The following NLRP1 variants were observed in gnomAD, a reference collection of about 807,000 sequenced individuals.
NLRP1 encodes the protein NLR family pyrin domain containing 1.
NLRP1 carries 94 observed loss-of-function variants against 136.7 expected under a neutral mutation model. The observed-to-expected ratio is 0.69, with a 90% CI of 0.58 to 0.82. The LOEUF (loss-of-function observed/expected upper bound fraction) is 0.82. Among genes scored for constraint, NLRP1 ranks in the 40% least tolerant of loss-of-function variants. The pLI, the probability that NLRP1 is intolerant of heterozygous loss-of-function variation, is 0.00. For missense variants in NLRP1, 1,575 were observed against 1,802.7 expected, an observed-to-expected ratio of 0.87 and a Z score of 2.29; for synonymous variants, 690 against 725.1, an observed-to-expected ratio of 0.95 and a Z score of 0.78.
In NLRP1 at chr17:5,582,800, C is replaced by T. The variant is rs984054383; in HGVS notation, c.318G>A (p.Gly106=). 12 of 1,613,580 alleles carry T rather than the reference C, an allele frequency of 7.4e-6. No individual in the cohort carries two copies. In the Admixed American group the frequency reaches 1.8e-4, roughly 25 times the overall value. Residue 106 remains glycine, a synonymous_variant, in exon 2 of 17, where the codon GGG becomes GGA. Transcript: ENST00000572272. ...CGGTGGAGGTGGGTTGGCTGGGAGACCCCAGGTGGGGTTCACTTGGGCTGT... is the reference window on the plus strand; with the variant it reads ...CGGTGGAGGTGGGTTGGCTGGGAGATCCCAGGTGGGGTTCACTTGGGCTGT... ...FPYSPSEPHL[G]SPSQPTSTAV... is the part of the protein sequence containing the mutation.
intron 3 of NLRP1, among the ~76,000 whole-genome samples, chr17:5,560,266 C>T (rs1914583795): frequency 6.6e-6 from 1 of 152,198 alleles, no homozygotes; most frequent in African/African-American, 2.4e-5. Context: ...CTTTCCTTCA[C>T]TGAATATTTA....
At chr17:5,533,551 G>GTTTTTTTTTTTTTTTTTTTTTTTTTT (rs35006823) in intron 9 of NLRP1, among the ~76,000 whole-genome samples, 167 bp from the exon 10 acceptor site, 2 of 90,018 alleles carry the variant, frequency 2.2e-5, no homozygotes, top group African/African-American at 8.8e-5. Context: ...GTGAGACTCT[G>GTTTTTTTTTTTTTTTTTTTTTTTTTT]TTTTTTTTTT....
chr17:5,527,302 AT>A, intron 12 of NLRP1, among the ~76,000 whole-genome samples: 1 of 152,328 alleles, frequency 6.6e-6, no homozygotes, highest in African/African-American at 2.4e-5. Flanking sequence ...AAGTTTACGA[AT>A]TCACGTTGGG....
At position 5,536,845 on chromosome 17, in the gene NLRP1, C is replaced by T. The variant is rs371795707; in HGVS notation, c.2960+6G>A. 17 of 1,607,252 alleles carry T rather than the reference C, an allele frequency of 1.1e-5. No homozygotes were observed. The highest frequency in any genetic ancestry group is 1.4e-5 in the Non-Finnish European group (17 of 1,173,960). ...CAGCCAGAGGGAGTTCTGGGTCCCCCCTTACCGTCTGCTGAAGATGAGCAG... is the reference window on the plus strand; with the variant it reads ...CAGCCAGAGGGAGTTCTGGGTCCCCTCTTACCGTCTGCTGAAGATGAGCAG... On this transcript the variant is annotated splice_donor_region_variant and intron_variant, in intron 8 of 16. Coordinates refer to ENST00000572272, the MANE Select transcript of NLRP1 (RefSeq NM_033004.4).
intron 14 of NLRP1, among the ~76,000 whole-genome samples, chr17:5,520,576 T>C (rs983686677): frequency 6.6e-6 from 1 of 152,214 alleles, no homozygotes; most frequent in African/African-American, 2.4e-5. Flanking sequence ...AAAGCCAGTA[T>C]GTTCAACTAC....
chr17:5,559,090 G>T lies in NLRP1; in HGVS notation c.1606C>A (p.Arg536=). The change falls in exon 4 of 17, where the codon CGG becomes AGG. Residue 536 remains arginine, a synonymous_variant. Transcript: ENST00000572272. ...ACTCLMQQMK[R]KEKLTLTSKT... ...GAAGTCAGTGTGAGTTTTTCCTTCC[G>T]CTTCATCTGCTGCATCAGGCAAGTG... is the stretch of plus-strand genomic sequence containing the variant. 1 of 1,614,142 alleles carries T rather than the reference G, an allele frequency of 6.2e-7. No individual in the cohort carries two copies. The highest frequency in any genetic ancestry group is 1.1e-5 in the South Asian group (1 of 91,082).
chr17:5,580,963 C>T (rs943290654), intron 3 of NLRP1, among the ~76,000 whole-genome samples: 13 of 152,060 alleles, frequency 8.5e-5, no homozygotes, highest in Non-Finnish European at 1.6e-4. Flanking sequence ...TAGACTCACG[C>T]GGTATATGTG....
At position 5,553,468 on chromosome 17, in the gene NLRP1, T is replaced by G. The variant is rs1188238250; in HGVS notation, c.2446A>C (p.Ser816Arg). The change falls in exon 5 of 17, where the codon AGT (serine) becomes CGT (arginine). Residue 816 changes from serine to arginine, a missense_variant. Transcript: ENST00000572272. ...GCAGAGTGGCTCAGCGAGTTTCCAC[T>G]TAGGTCCAGCTCCTTCAGGTTTCTG... is the stretch of plus-strand genomic sequence containing the variant. The part of the protein sequence containing the change: ...VTRNLKELDL[S>R]GNSLSHSAVK... 2 of 1,614,156 alleles carry G rather than the reference T, an allele frequency of 1.2e-6. No individual in the cohort carries two copies. Among genetic ancestry groups the G allele is most frequent in the Non-Finnish European group, 1.7e-6 (2 of 1,180,010 alleles).
At chr17:5,534,557 CTT>C (rs1263935587) in intron 8 of NLRP1, among the ~76,000 whole-genome samples, 1 of 152,142 alleles carries the variant, frequency 6.6e-6, no homozygotes, top group Non-Finnish European at 1.5e-5. Flanking sequence ...TCAAATAGCT[CTT>C]CTTTCTATTG....
At chr17:5,528,168 C>T (rs570895264) in intron 12 of NLRP1, among the ~76,000 whole-genome samples, 2 of 152,318 alleles carry the variant, frequency 1.3e-5, no homozygotes, top group East Asian at 3.9e-4. Flanking sequence ...CCCACTGACT[C>T]TATTAGCCAG....
At chr17:5,526,962 C>T (rs964866935) in intron 12 of NLRP1, among the ~76,000 whole-genome samples, 1 of 152,150 alleles carries the variant, frequency 6.6e-6, no homozygotes, top group African/African-American at 2.4e-5. Flanking sequence ...CACCAGTGCC[C>T]AAGTCCTAAA....
At position 5,558,694 on chromosome 17, in the gene NLRP1, C is replaced by A. The variant is rs200638674; in HGVS notation, c.2002G>T (p.Ala668Ser). Residue 668 changes from alanine (A) to serine (S), a missense_variant, in exon 4 of 17, where the codon GCA (alanine) becomes TCA (serine). Coordinates refer to ENST00000572272, the MANE Select transcript of NLRP1 (RefSeq NM_033004.4). ...CCCAATAGGAAACGTGTGGTTGATG[C>A]CCCAAACAGGCCATGTATTCCATAT... is the stretch of plus-strand genomic sequence containing the variant. ...EAYGIHGLFG[A>S]STTRFLLGLL... is the part of the protein sequence containing the mutation. The A allele has an allele frequency of 6.8e-6, 11 of 1,614,046 alleles. No homozygotes were observed. The highest frequency in any genetic ancestry group is 9.3e-6 in the Non-Finnish European group (11 of 1,180,028).
intron 12 of NLRP1, among the ~76,000 whole-genome samples, chr17:5,526,772 G>A (rs1597403761): frequency 1.3e-5 from 2 of 152,202 alleles, no homozygotes; most frequent in African/African-American, 4.8e-5. Context: ...AGAGCTCCGC[G>A]CTTTCATTTT....
chr17:5,525,928 C>T (rs918000867), intron 12 of NLRP1, among the ~76,000 whole-genome samples: 2 of 152,110 alleles, frequency 1.3e-5, no homozygotes, highest in Non-Finnish European at 2.9e-5. Context: ...TCAAACAACT[C>T]GGCCCAGTCC....
chr17:5,582,744 G>A lies in NLRP1; in HGVS notation c.374C>T (p.Pro125Leu), dbSNP rs375872650. 1.7e-5 allele frequency: 27 copies of A among 1,614,012 alleles called. No individual in the cohort carries two copies. The highest frequency in any genetic ancestry group is 6.7e-5 in the African/African-American group (5 of 74,904). Reference protein sequence around the residue: ...AVLMPWIHELPAGCTQGSERR... With the variant: ...AVLMPWIHELLAGCTQGSERR... ...CTCTGAGCCCTGGGTGCACCCCGCC[G>A]GCAATTCATGGATCCAGGGCATTAG... The change falls in exon 2 of 17, where the codon CCG becomes CTG. Residue 125 changes from proline (P) to leucine (L), a missense_variant. Transcript: ENST00000572272.
rs200014469 is a variant in NLRP1 at position 5,583,834 on chromosome 17, G to A, written c.124C>T (p.Pro42Ser). 1.9e-6 allele frequency: 3 copies of A among 1,567,068 alleles called. No individual in the cohort carries two copies. Among genetic ancestry groups the A allele is most frequent in the Non-Finnish European group, 2.6e-6 (3 of 1,154,332 alleles). ...AHSRSSSGETPAQPEKTSGME... is the reference protein window; with the variant it reads ...AHSRSSSGETSAQPEKTSGME... ...CCACTCGTCTTCTCTGGCTGAGCGG[G>A]TGTCTCACCCGAAGAGCTCCTGGAG... Residue 42 changes from proline (P) to serine (S), a missense_variant, in exon 1 of 17, where the codon CCC (proline) becomes TCC (serine). Coordinates refer to ENST00000572272, the MANE Select transcript of NLRP1 (RefSeq NM_033004.4). The surrounding 1 kb of genome is among the most constrained non-coding windows in gnomAD (Gnocchi z 4.5).
chr17:5,512,231 C>G (rs939609158), downstream of NLRP1: 3 of 1,500,208 alleles, frequency 2.0e-6, no homozygotes, highest in Non-Finnish European at 2.8e-6. Flanking sequence ...CCACTACCAT[C>G]AGCATAGAGT....
intron 12 of NLRP1, among the ~76,000 whole-genome samples, chr17:5,529,369 C>CTTTTTTTTTTTT (rs770430967): frequency 7.2e-6 from 1 of 138,688 alleles, no homozygotes. Flanking sequence ...ATTGTTTATT[C>CTTTTTTTTTTTT]TTTTTTTTTT....
chr17:5,567,192 C>A (rs1031924263), intron 3 of NLRP1, among the ~76,000 whole-genome samples: 1 of 151,918 alleles, frequency 6.6e-6, no homozygotes, highest in Non-Finnish European at 1.5e-5. Context: ...AGGACTTACT[C>A]TTGCCATTTT....
Sources: gnomAD v4.1 joint callset for allele counts (sites outside exome capture counted in the v4.1 genomes callset) on GRCh38, gnomAD v4.1.1 for gene constraint, Gnocchi (gnomAD v3.1) non-coding constraint, MANE v1.5 for transcripts, NCBI Gene and HGNC (gene_info 2026-07-23, HGNC 2026-07-21) for gene names.